The following CCDC186 variants were observed in gnomAD, a reference collection of about 807,000 sequenced individuals.
The protein encoded by CCDC186 is coiled-coil domain containing 186.
A neutral mutation model predicts 113.7 loss-of-function variants in CCDC186; 49 were observed. The observed-to-expected ratio is 0.43, with a 90% CI of 0.34 to 0.55. The LOEUF is 0.55. Among genes scored for constraint, CCDC186 ranks in the 20% least tolerant of loss-of-function variants. The pLI is 0.02. For missense variants in CCDC186, 890 were observed against 1,011.1 expected, an observed-to-expected ratio of 0.88 and a Z score of 1.62; for synonymous variants, 355 against 345.8, an observed-to-expected ratio of 1.03 and a Z score of -0.30.
In CCDC186 at chr10:114,151,152, G is replaced by A. The variant is rs117694485; in HGVS notation, c.828C>T (p.Asp276=). 1,715 of 1,612,918 alleles carry A rather than the reference G, an allele frequency of 1.1e-3. 53 individuals carry two copies. The East Asian group carries it at 0.037, about 35-fold the overall frequency. ...KASRDQLIAQ[D]VTAKNAVQQL... ...GCTGAACTGCATTTTTAGCTGTAAC[G>A]TCTTGAGCTATTAGTTGATCTCTGG... is the stretch of plus-strand genomic sequence containing the variant. Residue 276 remains aspartate, a synonymous_variant, in exon 4 of 16, where the codon GAC becomes GAT. Coordinates refer to ENST00000369287, the MANE Select transcript of CCDC186 (RefSeq NM_018017.4).
chr10:114,133,398 G>T (rs2031155823), intron 10 of CCDC186, among the ~76,000 whole-genome samples: 2 of 152,148 alleles, frequency 1.3e-5, no homozygotes, highest in Admixed American at 6.5e-5. Context: ...CAGAGAAACC[G>T]ATTTTGGAAA....
At chr10:114,173,109 A>G in intron 1 of CCDC186, 1 of 413,226 alleles carries the variant, frequency 2.4e-6, no homozygotes. Context: ...TCAAAGGAAC[A>G]TGACACACAT....
intron 3 of CCDC186, among the ~76,000 whole-genome samples, chr10:114,157,353 T>G (rs1235580291): frequency 6.6e-6 from 1 of 150,424 alleles, no homozygotes; most frequent in African/African-American, 2.4e-5. Context: ...GCAGCTAATT[T>G]TCTATTTTTT....
At chr10:114,145,469 G>T in intron 5 of CCDC186, 80 bp downstream of exon 5, 1 of 1,223,224 alleles carries the variant, frequency 8.2e-7, no homozygotes, top group South Asian at 1.6e-5. Flanking sequence ...GTTAAATTAT[G>T]ATTATTTGAT....
intron 13 of CCDC186, 30 bp from the exon 14 acceptor site, chr10:114,127,701 T>C (rs2030952032): frequency 1.9e-6 from 3 of 1,571,294 alleles, no homozygotes; most frequent in Non-Finnish European, 2.6e-6. Flanking sequence ...GTTTAGATAC[T>C]GTGCTTAATC....
intron 1 of CCDC186, among the ~76,000 whole-genome samples, chr10:114,170,696 T>A (rs1328156583): frequency 6.6e-6 from 1 of 152,138 alleles, no homozygotes; most frequent in African/African-American, 2.4e-5. Context: ...AGTTCACCAG[T>A]TTGAAAAGTT....
rs2030715850 is a variant in CCDC186, at chr10:114,121,322, G to T, written c.*3821C>A. 1 of 152,020 alleles carries T rather than the reference G, an allele frequency of 6.6e-6. No individual in the cohort carries two copies. The highest frequency in any genetic ancestry group is 2.4e-5 in the African/African-American group (1 of 41,412). The allele number at this position is 152,020 out of a possible 1,614,324, so 9.4% of individuals were successfully genotyped here. ...CTACATAAAGCATAAATGACAACAT[G>T]ATTTATAAAAATATTTTCACCAGGG... On this transcript the variant is annotated 3_prime_UTR_variant, in exon 16 of 16. Transcript: ENST00000369287.
At chr10:114,153,678 T>C (rs1412080458) in intron 3 of CCDC186, among the ~76,000 whole-genome samples, 3 of 149,920 alleles carry the variant, frequency 2.0e-5, no homozygotes, top group African/African-American at 4.9e-5. Flanking sequence ...CCCAGCTACT[T>C]GGGAGGCTGA....
At chr10:114,164,826 AAAGAG>A (rs1386801756) in intron 1 of CCDC186, among the ~76,000 whole-genome samples, 1 of 152,224 alleles carries the variant, frequency 6.6e-6, no homozygotes, top group Admixed American at 6.5e-5. Flanking sequence ...AGGATGATGA[AAAGAG>A]AGAGAGAAGA....
intron 10 of CCDC186, 126 bp downstream of exon 10, chr10:114,134,787 A>G (rs2031200997): frequency 1.0e-6 from 1 of 983,128 alleles, no homozygotes; most frequent in Non-Finnish European, 1.5e-6. Flanking sequence ...AAGAGAAAAT[A>G]TTTAAAAATT....
At chr10:114,135,560 T>G (rs1379609487) in intron 9 of CCDC186, among the ~76,000 whole-genome samples, 1 of 152,198 alleles carries the variant, frequency 6.6e-6, no homozygotes, top group Non-Finnish European at 1.5e-5. Flanking sequence ...TTCCTGTTAT[T>G]TTCTGACACA....
intron 6 of CCDC186, among the ~76,000 whole-genome samples, 163 bp from the exon 7 acceptor site, chr10:114,137,453 T>C (rs2031301292): frequency 6.6e-6 from 1 of 152,204 alleles, no homozygotes; most frequent in Non-Finnish European, 1.5e-5. Context: ...TAAAATGATC[T>C]GTAGAGTTAA....
intron 1 of CCDC186, among the ~76,000 whole-genome samples, chr10:114,168,941 T>C (rs1433907916): frequency 6.6e-6 from 1 of 152,210 alleles, no homozygotes; most frequent in Admixed American, 6.5e-5. Context: ...CCAAACTAGA[T>C]GTTCATTTTT....
At position 114,151,226 on chromosome 10, in the gene CCDC186, A is replaced by G. The variant is rs2031848021; in HGVS notation, c.760-6T>C. On this transcript the variant is annotated splice_polypyrimidine_tract_variant and splice_region_variant and intron_variant, in intron 3 of 15. Coordinates refer to ENST00000369287, the MANE Select transcript of CCDC186 (RefSeq NM_018017.4). ...TCTTCTATTCTTGATTCTAACTGTA[A>G]AGAAAATTATTTCCAAATTATTTTT... 6.6e-7 allele frequency: 1 copy of G among 1,516,960 alleles called. No individual in the cohort carries two copies. The highest frequency in any genetic ancestry group is 9.1e-7 in the Non-Finnish European group (1 of 1,100,478). The allele number at this position is 1,516,960 out of a possible 1,614,324, so 94.0% of individuals were successfully genotyped here. A position where few individuals can be genotyped will look rare whatever the true frequency, so the allele number is the denominator to read the frequency against.
intron 4 of CCDC186, among the ~76,000 whole-genome samples, chr10:114,147,837 T>C (rs1376856648): frequency 6.6e-6 from 1 of 152,080 alleles, no homozygotes; most frequent in Non-Finnish European, 1.5e-5. Flanking sequence ...TGAAATATTA[T>C]GAGGGTCTTG....
At position 114,157,474 on chromosome 10, in the gene CCDC186, G is replaced by A. The variant is rs561936144; in HGVS notation, c.759+80C>T. On this transcript the variant is annotated intron_variant, in intron 3 of 15. Coordinates refer to ENST00000369287, the MANE Select transcript of CCDC186 (RefSeq NM_018017.4). The stretch of plus-strand genomic sequence containing the variant: ...CCCAAAGTGCTACGATTACAGGCAT[G>A]AGCTGCCACAATCGGCTGCCAGGAA... 517 of 1,345,004 alleles carry A rather than the reference G, an allele frequency of 3.8e-4. 6 individuals are homozygous for A. The South Asian group carries it at 7.0e-3, about 18-fold the overall frequency. 83.3% of individuals were successfully genotyped at this position (1,345,004 alleles called of 1,614,324 possible). A position where few individuals can be genotyped will look rare whatever the true frequency, so the allele number is the denominator to read the frequency against.
intron 1 of CCDC186, chr10:114,168,309 T>C (rs892900604): frequency 2.0e-5 from 3 of 152,146 alleles, no homozygotes; most frequent in Non-Finnish European, 2.9e-5. Context: ...CATTACCCAC[T>C]CTGGAACTTA....
chr10:114,158,391 A>G (rs979080929), intron 2 of CCDC186, among the ~76,000 whole-genome samples: 1 of 152,224 alleles, frequency 6.6e-6, no homozygotes, highest in Non-Finnish European at 1.5e-5. Flanking sequence ...TGCCTAAGAA[A>G]GCTAACAGCA....
At chr10:114,145,102 AG>A (rs757064182) in intron 5 of CCDC186, among the ~76,000 whole-genome samples, 2 of 152,168 alleles carry the variant, frequency 1.3e-5, no homozygotes, top group Non-Finnish European at 2.9e-5. Flanking sequence ...TATCTAAGAA[AG>A]ACATGTTTTT....
Sources: gnomAD v4.1 joint callset for allele counts (sites outside exome capture counted in the v4.1 genomes callset) on GRCh38, gnomAD v4.1.1 for gene constraint, MANE v1.5 for transcripts, NCBI Gene and HGNC (gene_info 2026-07-23, HGNC 2026-07-21) for gene names.